Variants in DPP10 observed in about 807,000 individuals in gnomAD.
DPP10 encodes inactive dipeptidyl peptidase 10.
A neutral mutation model predicts 120.9 loss-of-function variants in DPP10; 33 were observed. The observed-to-expected ratio is 0.27, with a 90% CI of 0.21 to 0.37. The LOEUF is 0.37. Ranked by LOEUF, DPP10 falls within the 10% of genes least tolerant of loss-of-function variation. The pLI, the probability that DPP10 is intolerant of heterozygous loss-of-function variation, is 1.00. For synonymous variants in DPP10, 337 were observed against 326.1 expected, an observed-to-expected ratio of 1.03 and a Z score of -0.36; for missense variants, 816 against 942.8, an observed-to-expected ratio of 0.87 and a Z score of 1.76.
intron 1 of DPP10, among the ~76,000 whole-genome samples, chr2:115,107,221 T>G (rs17040479): frequency 0.21 from 31,236 of 151,858 alleles, 3,952 homozygotes; most frequent in East Asian, 0.36. Context: ...ATTTGTGTAT[T>G]ATAACATGAA....
intron 1 of DPP10, among the ~76,000 whole-genome samples, chr2:114,816,693 G>T (rs1328678929): frequency 6.6e-6 from 1 of 152,164 alleles, no homozygotes; most frequent in Non-Finnish European, 1.5e-5. Context: ...GAAGGGCAAG[G>T]TCTGGAAGAA....
chr2:115,200,813 T>C (rs975881729), intron 1 of DPP10, among the ~76,000 whole-genome samples: 5 of 152,220 alleles, frequency 3.3e-5, no homozygotes, highest in African/African-American at 9.6e-5. Context: ...TGGGAACTTA[T>C]TTTTAATACT....
intron 9 of DPP10, among the ~76,000 whole-genome samples, 196 bp from the exon 10 acceptor site, chr2:115,745,890 G>T (rs867095998): frequency 6.6e-6 from 1 of 152,156 alleles, no homozygotes; most frequent in Non-Finnish European, 1.5e-5. Context: ...TGAAGAAAAT[G>T]ATTGAGAAGC....
chr2:115,174,843 C>G (rs537911602), intron 1 of DPP10, among the ~76,000 whole-genome samples: 5 of 152,150 alleles, frequency 3.3e-5, no homozygotes, highest in Non-Finnish European at 7.3e-5. Flanking sequence ...ATTTGATTCA[C>G]CAGCAGTGAG....
intron 1 of DPP10, among the ~76,000 whole-genome samples, chr2:114,941,177 T>C (rs1398841400): frequency 6.6e-6 from 1 of 152,270 alleles, no homozygotes. Flanking sequence ...AAACATGTAA[T>C]GATGCCTGTG....
intron 5 of DPP10, among the ~76,000 whole-genome samples, chr2:115,617,240 C>A (rs2084576369): frequency 7.5e-6 from 1 of 133,906 alleles, no homozygotes; most frequent in South Asian, 2.4e-4. Context: ...AGTACCAAAC[C>A]CTGTATGTAT....
At chr2:115,373,148 A>G (rs2065538468) in intron 3 of DPP10, among the ~76,000 whole-genome samples, 2 of 152,218 alleles carry the variant, frequency 1.3e-5, no homozygotes, top group African/African-American at 4.8e-5. Context: ...TAGGAAAAGT[A>G]GAAGCAATAG....
At chr2:115,678,457 A>G (rs963367901) in intron 5 of DPP10, among the ~76,000 whole-genome samples, 5 of 152,214 alleles carry the variant, frequency 3.3e-5, no homozygotes, top group Admixed American at 2.0e-4. Flanking sequence ...ACATGATGTT[A>G]GTCCTGCAGG....
intron 1 of DPP10, among the ~76,000 whole-genome samples, chr2:114,865,597 T>G (rs2106544828): frequency 6.6e-6 from 1 of 152,212 alleles, no homozygotes; most frequent in South Asian, 2.1e-4. Context: ...CAAGTGAGAG[T>G]GAAGATGCTG....
intron 4 of DPP10, among the ~76,000 whole-genome samples, chr2:115,500,204 T>TA: frequency 6.6e-6 from 1 of 152,138 alleles, no homozygotes; most frequent in South Asian, 2.1e-4. Flanking sequence ...TTAGGAGACT[T>TA]AGCTATAATT....
chr2:115,764,619 A>G (rs1029809259), intron 12 of DPP10, among the ~76,000 whole-genome samples: 3 of 152,098 alleles, frequency 2.0e-5, no homozygotes, highest in African/African-American at 7.2e-5. Flanking sequence ...AACATAATGC[A>G]TGTTCTTTTG....
At chr2:114,933,108 A>G (rs544178406) in intron 1 of DPP10, among the ~76,000 whole-genome samples, 21 of 152,346 alleles carry the variant, frequency 1.4e-4, no homozygotes, top group African/African-American at 5.1e-4. Context: ...TACACTATGA[A>G]CAAAGCACTA....
chr2:114,510,999 A>G (rs2104578802), intron 1 of DPP10, among the ~76,000 whole-genome samples: 1 of 152,388 alleles, frequency 6.6e-6, no homozygotes, highest in East Asian at 1.9e-4. Flanking sequence ...GGTATTACAG[A>G]CGCATTCAGG....
At chr2:115,187,327 C>T (rs1454899214) in intron 1 of DPP10, among the ~76,000 whole-genome samples, 2 of 152,000 alleles carry the variant, frequency 1.3e-5, no homozygotes, top group African/African-American at 2.4e-5. Context: ...TGAGCCACCG[C>T]GCCCGGCCGG....
chr2:115,081,305 A>G (rs1428998716), intron 1 of DPP10, among the ~76,000 whole-genome samples: 4 of 152,152 alleles, frequency 2.6e-5, no homozygotes, highest in Non-Finnish European at 5.9e-5. Context: ...TCTCTCATGT[A>G]TAGTCCATCA....
At chr2:115,020,206 T>A in intron 1 of DPP10, among the ~76,000 whole-genome samples, 1 of 152,142 alleles carries the variant, frequency 6.6e-6, no homozygotes, top group East Asian at 1.9e-4. Context: ...CCACTTAAGA[T>A]ACAGAATGGC....
At chr2:114,780,749 T>G (rs765930023) in intron 1 of DPP10, among the ~76,000 whole-genome samples, 44 of 152,108 alleles carry the variant, frequency 2.9e-4, no homozygotes, top group Non-Finnish European at 6.0e-4. Flanking sequence ...GGTTGATTTA[T>G]TGACATGAGT....
intron 3 of DPP10, among the ~76,000 whole-genome samples, chr2:115,391,781 A>G (rs567707841): frequency 3.9e-5 from 6 of 152,260 alleles, no homozygotes; most frequent in Admixed American, 1.3e-4. Flanking sequence ...CTCCAAATCA[A>G]TGGGAGAAAA....
At chr2:114,497,050 C>T (rs557207795) in intron 1 of DPP10, among the ~76,000 whole-genome samples, 2 of 150,276 alleles carry the variant, frequency 1.3e-5, no homozygotes, top group East Asian at 2.0e-4. Flanking sequence ...TATATGCATA[C>T]ACATACATAT....
Sources: allele counts gnomAD v4.1 joint callset (sites outside exome capture counted in the v4.1 genomes callset), GRCh38; gene constraint gnomAD v4.1.1; transcripts MANE v1.5; gene names NCBI Gene and HGNC (gene_info 2026-07-23, HGNC 2026-07-21).